Variants in PDGFD observed in about 807,000 individuals in gnomAD.
PDGFD encodes platelet-derived growth factor D.
In PDGFD, 30 loss-of-function variants were observed where a neutral mutation model predicts 44.7. The observed-to-expected ratio is 0.67, with a 90% CI of 0.50 to 0.91. The LOEUF (loss-of-function observed/expected upper bound fraction) is 0.91, where lower values mean the gene tolerates loss of function less well. PDGFD is among the 40% of genes least tolerant of loss of function. The pLI is 0.00. For missense variants in PDGFD, 445 were observed against 457.8 expected (o/e 0.97, Z 0.25); for synonymous variants, 173 against 168.4 (o/e 1.03, Z -0.21).
At chr11:103,979,917 A>C (rs1859241535) in intron 3 of PDGFD, among the ~76,000 whole-genome samples, 1 of 152,150 alleles carries the variant, frequency 6.6e-6, no homozygotes. Context: ...TGTAACTTCA[A>C]ATCAAAATTA....
In PDGFD at chr11:104,005,949, C is replaced by T. The variant is rs77314511; in HGVS notation, c.125-5694G>A. Among the ~76,000 whole-genome samples the T allele has an allele frequency of 6.2e-3, 947 of 152,308 alleles. 15 individuals carry two copies. Among genetic ancestry groups the T allele is most frequent in the African/African-American group, 0.021 (890 of 41,568 alleles). Reference sequence around the variant, plus strand: ...TTTTAACACAGAAAGATGTTCACATCCTCATAAACTCTGAGGTACGCATTT... The same window carrying T: ...TTTTAACACAGAAAGATGTTCACATTCTCATAAACTCTGAGGTACGCATTT... On this transcript the variant is annotated intron_variant, in intron 1 of 6. Coordinates refer to ENST00000393158, the MANE Select transcript of PDGFD (RefSeq NM_025208.5).
rs1565281234 is a variant in PDGFD, at chr11:103,909,836, A to G, written c.988-17T>C. On this transcript the variant is annotated splice_polypyrimidine_tract_variant and intron_variant, in intron 6 of 6. Coordinates refer to ENST00000393158, the MANE Select transcript of PDGFD (RefSeq NM_025208.5). Reference sequence around the variant, plus strand: ...CTGTAATACCTAGGACAAGAAGCACATCTCCTGTTAGAAAGCCTTTGGAGT... The same window carrying G: ...CTGTAATACCTAGGACAAGAAGCACGTCTCCTGTTAGAAAGCCTTTGGAGT... 1 of 1,614,036 alleles carries G rather than the reference A, an allele frequency of 6.2e-7. No individual in the cohort carries two copies. The highest frequency in any genetic ancestry group is 8.5e-7 in the Non-Finnish European group (1 of 1,179,920).
intron 1 of PDGFD, among the ~76,000 whole-genome samples, chr11:104,108,386 C>T (rs1861499635): frequency 6.6e-6 from 1 of 151,880 alleles, no homozygotes; most frequent in Non-Finnish European, 1.5e-5. Context: ...AAAAAGTGGG[C>T]AAAGGATATG....
At chr11:104,077,883 TCTC>T (rs1319690341) in intron 1 of PDGFD, among the ~76,000 whole-genome samples, 1 of 152,238 alleles carries the variant, frequency 6.6e-6, no homozygotes, top group East Asian at 1.9e-4. Flanking sequence ...CCCTTTCCCT[TCTC>T]CTTCAAAAAA....
intron 3 of PDGFD, among the ~76,000 whole-genome samples, chr11:103,985,232 T>C (rs1020544593): frequency 2.0e-5 from 3 of 148,670 alleles, no homozygotes; most frequent in African/African-American, 7.5e-5. Context: ...GACAAGGTCT[T>C]GCCTTATCAC....
At chr11:103,915,420 A>G (rs967752535) in intron 6 of PDGFD, among the ~76,000 whole-genome samples, 5 of 152,238 alleles carry the variant, frequency 3.3e-5, no homozygotes, top group Non-Finnish European at 5.9e-5. Context: ...AAGGAGAACT[A>G]CAAACCACTG....
At chr11:103,912,857 A>G (rs1368324103) in intron 6 of PDGFD, among the ~76,000 whole-genome samples, 3 of 152,160 alleles carry the variant, frequency 2.0e-5, no homozygotes, top group Non-Finnish European at 4.4e-5. Context: ...AACAGACTTT[A>G]AACCAACAAA....
At chr11:104,030,095 T>C (rs1860101987) in intron 1 of PDGFD, among the ~76,000 whole-genome samples, 1 of 152,244 alleles carries the variant, frequency 6.6e-6, no homozygotes, top group Non-Finnish European at 1.5e-5. Context: ...CTTCAGTCTA[T>C]GTGAATAAGG....
At chr11:103,941,934 T>TA (rs1190425478) in intron 5 of PDGFD, among the ~76,000 whole-genome samples, 4 of 152,108 alleles carry the variant, frequency 2.6e-5, no homozygotes, top group African/African-American at 9.7e-5. Flanking sequence ...AGCAATGTCT[T>TA]ACAGAAAAGC....
At chr11:104,096,534 A>G (rs1193866893) in intron 1 of PDGFD, among the ~76,000 whole-genome samples, 1 of 152,168 alleles carries the variant, frequency 6.6e-6, no homozygotes, top group Non-Finnish European at 1.5e-5. Flanking sequence ...TTTAGACTTC[A>G]CTAAACACAA....
At chr11:104,095,377 G>C (rs916156703) in intron 1 of PDGFD, among the ~76,000 whole-genome samples, 6 of 151,748 alleles carry the variant, frequency 4.0e-5, no homozygotes, top group Admixed American at 1.3e-4. Context: ...ACAATATTTT[G>C]ATTATTGAAA....
At chr11:103,914,547 T>C (rs901187525) in intron 6 of PDGFD, among the ~76,000 whole-genome samples, 5 of 143,590 alleles carry the variant, frequency 3.5e-5, no homozygotes, top group African/African-American at 5.2e-5. Flanking sequence ...CTATTCCTTC[T>C]GAAACTATTC....
chr11:103,970,248 C>T (rs1859083983), intron 3 of PDGFD, among the ~76,000 whole-genome samples: 2 of 151,952 alleles, frequency 1.3e-5, no homozygotes, highest in African/African-American at 4.8e-5. Flanking sequence ...ATAATTGATG[C>T]AAGGTGGCTA....
chr11:104,100,684 C>T (rs1861363988), intron 1 of PDGFD, among the ~76,000 whole-genome samples: 1 of 152,064 alleles, frequency 6.6e-6, no homozygotes, highest in Non-Finnish European at 1.5e-5. Flanking sequence ...TGATGAACAT[C>T]GATGCAAAAA....
At chr11:103,999,394 A>C (rs1441266495) in intron 2 of PDGFD, among the ~76,000 whole-genome samples, 1 of 152,226 alleles carries the variant, frequency 6.6e-6, no homozygotes, top group Non-Finnish European at 1.5e-5. Flanking sequence ...AAAGAACAAC[A>C]GTCCAGGCTT....
chr11:103,965,803 C>CTGTTTT (rs1289585909), intron 3 of PDGFD, among the ~76,000 whole-genome samples: 1 of 152,118 alleles, frequency 6.6e-6, no homozygotes, highest in Non-Finnish European at 1.5e-5. Flanking sequence ...ACAGGAACAC[C>CTGTTTT]TGCACTGAGC....
chr11:104,119,070 T>TATATAATATATC (rs1861700207), intron 1 of PDGFD, among the ~76,000 whole-genome samples: 2 of 55,194 alleles, frequency 3.6e-5, no homozygotes, highest in African/African-American at 8.0e-5. Context: ...TATAATATAT[T>TATATAATATATC]GGTATAATAT....
intron 1 of PDGFD, among the ~76,000 whole-genome samples, chr11:104,152,651 T>C (rs550968919): frequency 5.1e-4 from 77 of 152,250 alleles, no homozygotes; most frequent in African/African-American, 1.7e-3. Flanking sequence ...ATCTGGTTAG[T>C]GTTTTTTGTT....
chr11:104,056,039 A>C (rs1224147371), intron 1 of PDGFD, among the ~76,000 whole-genome samples: 2 of 152,338 alleles, frequency 1.3e-5, no homozygotes, highest in East Asian at 3.9e-4. Flanking sequence ...ATATGATATA[A>C]AATTGCTAAA....
Sources: gnomAD v4.1 joint callset for allele counts (sites outside exome capture counted in the v4.1 genomes callset) on GRCh38, gnomAD v4.1.1 for gene constraint, MANE v1.5 for transcripts, NCBI Gene and HGNC (gene_info 2026-07-23, HGNC 2026-07-21) for gene names.